The following C2CD5 variants were observed in gnomAD, a reference collection of about 807,000 sequenced individuals.
C2CD5 encodes the protein C2 domain-containing protein 5.
Under a neutral mutation model 130.3 loss-of-function variants are expected in C2CD5, and 109 were observed. That is an observed-to-expected ratio of 0.84 (90% CI 0.72 to 0.98). The LOEUF is 0.98. C2CD5 is among the 50% of genes least tolerant of loss of function. The pLI is 0.00. For synonymous variants in C2CD5, 454 were observed against 429.2 expected, an observed-to-expected ratio of 1.06 and a Z score of -0.71; for missense variants, 996 against 1,261.8, an observed-to-expected ratio of 0.79 and a Z score of 3.19.
chr12:22,525,619 A>G lies in C2CD5; in HGVS notation c.436T>C (p.Phe146Leu). 6.7e-7 allele frequency: 1 copy of G among 1,498,450 alleles called. No individual in the cohort carries two copies. Among genetic ancestry groups the G allele is most frequent in the East Asian group, 2.3e-5 (1 of 44,198 alleles). 92.8% of individuals were successfully genotyped at this position (1,498,450 alleles called of 1,614,324 possible). A position where few individuals can be genotyped will look rare whatever the true frequency, so the allele number is the denominator to read the frequency against. ...GAATGTATTTACTTACTGCAAAAGA[A>G]TTTGACTCCACATGATGACTGCCTA... is the stretch of plus-strand genomic sequence containing the variant. ...RFRQSSCGVK[F>L]FCTTSIPKCY... Residue 146 changes from phenylalanine (F) to leucine (L), a missense_variant, in exon 5 of 27, where the codon TTC (phenylalanine) becomes CTC (leucine). Transcript: ENST00000446597.
chr12:22,453,426 A>AT (rs1296802192), intron 26 of C2CD5, among the ~76,000 whole-genome samples: 1 of 152,208 alleles, frequency 6.6e-6, no homozygotes, highest in East Asian at 1.9e-4. Flanking sequence ...AAATTTAGAA[A>AT]TTTATTTTAA....
In C2CD5 at chr12:22,506,891, T is replaced by C. The variant is rs138924024; in HGVS notation, c.1039-72A>G. 7.9e-5 allele frequency: 69 copies of C among 874,718 alleles called. No individual in the cohort carries two copies. The East Asian group carries it at 8.0e-4, about 10-fold the overall frequency. 54.2% of individuals were successfully genotyped at this position (874,718 alleles called of 1,614,324 possible). A position where few individuals can be genotyped will look rare whatever the true frequency, so the allele number is the denominator to read the frequency against. On this transcript the variant is annotated intron_variant, in intron 9 of 26. Coordinates refer to ENST00000446597, the MANE Select transcript of C2CD5 (RefSeq NM_001286176.2). ...GTAAAAAATTTGCTTATTAAAAAGC[T>C]TGCCATAGCAACTGTATTACATCCC...
At chr12:22,521,519 T>G (rs1950264679) in intron 7 of C2CD5, among the ~76,000 whole-genome samples, 1 of 152,184 alleles carries the variant, frequency 6.6e-6, no homozygotes, top group African/African-American at 2.4e-5. Flanking sequence ...TTGCTTAAAC[T>G]TGCACTTTAA....
At position 22,493,297 on chromosome 12, in the gene C2CD5, T is replaced by C. The variant is rs1224989761; in HGVS notation, c.1188A>G (p.Arg396=). Residue 396 remains arginine (R), a synonymous_variant, in exon 11 of 27, where the codon AGA becomes AGG. Transcript: ENST00000446597. ...CTTTAGCATGTGATTTTATTTCTTG[T>C]CTGATTTCTGCCCACCATGCATCTC... ...ETRDAWWAEI[R]QEIKSHAKAL... 1.2e-6 allele frequency: 2 copies of C among 1,612,126 alleles called. No individual in the cohort carries two copies. Among genetic ancestry groups the C allele is most frequent in the Admixed American group, 1.7e-5 (1 of 59,972 alleles).
chr12:22,455,981 G>T (rs971455861), intron 25 of C2CD5, among the ~76,000 whole-genome samples: 3 of 152,102 alleles, frequency 2.0e-5, no homozygotes, highest in African/African-American at 7.2e-5. Context: ...CACTGTGCCT[G>T]GCCTAATTTA....
chr12:22,513,600 G>A (rs2136879801), intron 8 of C2CD5, among the ~76,000 whole-genome samples: 1 of 152,004 alleles, frequency 6.6e-6, no homozygotes, highest in East Asian at 1.9e-4. Context: ...AGCTAGTTTT[G>A]GACTTAATTT....
chr12:22,480,365 G>A (rs985623387), intron 14 of C2CD5, among the ~76,000 whole-genome samples: 3 of 152,114 alleles, frequency 2.0e-5, no homozygotes, highest in Non-Finnish European at 2.9e-5. Context: ...CAGACACCTC[G>A]TCGGCACTCA....
intron 9 of C2CD5, 95 bp from the exon 10 acceptor site, chr12:22,506,914 C>T (rs1262525496): frequency 1.4e-6 from 1 of 725,602 alleles, no homozygotes; most frequent in Non-Finnish European, 2.5e-6. Flanking sequence ...TGTATTACAT[C>T]CCTTGAAATA....
intron 2 of C2CD5, 72 bp downstream of exon 2, chr12:22,543,989 G>C (rs1952682343): frequency 4.3e-6 from 5 of 1,163,730 alleles, no homozygotes; most frequent in African/African-American, 1.5e-5. Context: ...TGAGGGGCTG[G>C]GGGCGAGGTG....
chr12:22,540,866 T>C (rs1394466931), intron 2 of C2CD5, among the ~76,000 whole-genome samples: 1 of 152,074 alleles, frequency 6.6e-6, no homozygotes, highest in African/African-American at 2.4e-5. Context: ...CTCAAAAAAA[T>C]AATAATGATA....
intron 3 of C2CD5, among the ~76,000 whole-genome samples, chr12:22,531,618 T>C (rs772011477): frequency 6.6e-6 from 1 of 152,160 alleles, no homozygotes; most frequent in Non-Finnish European, 1.5e-5. Context: ...AAACTAGAAA[T>C]TACCTTCCTT....
chr12:22,471,597 C>A, intron 19 of C2CD5, 109 bp from the exon 20 acceptor site: 1 of 539,996 alleles, frequency 1.9e-6, no homozygotes, highest in Non-Finnish European at 3.2e-6. Context: ...AAAAATAAAA[C>A]AAAACTGGTC....
chr12:22,474,951 C>G (rs1041632808), intron 15 of C2CD5, 60 bp from the exon 16 acceptor site: 24 of 1,191,444 alleles, frequency 2.0e-5, no homozygotes, highest in Non-Finnish European at 1.8e-5. Flanking sequence ...TTAAATTTTA[C>G]ATCTTTATAT....
At chr12:22,459,392 A>G (rs936986171) in intron 23 of C2CD5, 100 bp downstream of exon 23, 3 of 729,316 alleles carry the variant, frequency 4.1e-6, no homozygotes, top group Non-Finnish European at 4.7e-6. Context: ...TGTCTATTCC[A>G]TATTGTCCAG....
At chr12:22,536,403 T>C (rs934805273) in intron 2 of C2CD5, among the ~76,000 whole-genome samples, 3 of 152,184 alleles carry the variant, frequency 2.0e-5, no homozygotes, top group African/African-American at 7.2e-5. Flanking sequence ...AATAACTTTA[T>C]TTTCATTCAA....
intron 2 of C2CD5, among the ~76,000 whole-genome samples, chr12:22,540,241 T>G (rs1311621363): frequency 2.0e-5 from 3 of 152,196 alleles, no homozygotes; most frequent in African/African-American, 7.2e-5. Context: ...CACATTCACG[T>G]GGTTTTAACA....
chr12:22,517,296 C>T (rs999491249), intron 8 of C2CD5, among the ~76,000 whole-genome samples: 3 of 151,244 alleles, frequency 2.0e-5, no homozygotes, highest in Non-Finnish European at 4.4e-5. Context: ...TTTTTCTAAA[C>T]AATAATAATT....
chr12:22,487,216 C>G (rs1173268915), intron 12 of C2CD5, among the ~76,000 whole-genome samples: 1 of 151,900 alleles, frequency 6.6e-6, no homozygotes, highest in East Asian at 1.9e-4. Context: ...GGATCTAATT[C>G]AACTAAAGAG....
intron 16 of C2CD5, among the ~76,000 whole-genome samples, chr12:22,473,935 A>G (rs934518093): frequency 5.3e-5 from 8 of 152,052 alleles, no homozygotes; most frequent in African/African-American, 1.9e-4. Context: ...GGGGCAAATA[A>G]CCATATAAGT....
Sources: allele counts gnomAD v4.1 joint callset (sites outside exome capture counted in the v4.1 genomes callset), GRCh38; gene constraint gnomAD v4.1.1; transcripts MANE v1.5; gene names NCBI Gene and HGNC (gene_info 2026-07-23, HGNC 2026-07-21).